MYRFL: variants seen among roughly 807,000 people sequenced by gnomAD.
MYRFL encodes myelin regulatory factor-like protein.
Under a neutral mutation model 109.4 loss-of-function variants are expected in MYRFL, and 88 were observed. That is an observed-to-expected ratio of 0.80 (90% CI 0.68 to 0.96). The LOEUF (loss-of-function observed/expected upper bound fraction) is 0.96, where lower values mean the gene tolerates loss of function less well. MYRFL is among the 40% of genes least tolerant of loss of function. The pLI is 0.00. For missense variants in MYRFL, 957 were observed against 954.9 expected, an observed-to-expected ratio of 1.00 and a Z score of -0.03; for synonymous variants, 324 against 320.9, an observed-to-expected ratio of 1.01 and a Z score of -0.10.
chr12:69,927,092 C>T (rs1490283996), intron 14 of MYRFL, among the ~76,000 whole-genome samples: 1 of 151,326 alleles, frequency 6.6e-6, no homozygotes, highest in Non-Finnish European at 1.5e-5. Context: ...TTACAGGTGC[C>T]CGCCACCATG....
chr12:69,958,104 A>G, intron 23 of MYRFL, 145 bp from the exon 24 acceptor site: 1 of 1,164,672 alleles, frequency 8.6e-7, no homozygotes, highest in Admixed American at 2.6e-5. Context: ...TTCTGTTGCT[A>G]GGACTGTTCT....
At chr12:69,874,710 T>C (rs1194172015) in intron 2 of MYRFL, among the ~76,000 whole-genome samples, 8 of 152,208 alleles carry the variant, frequency 5.3e-5, no homozygotes, top group Middle Eastern at 3.4e-3. Context: ...ACTATTTTCA[T>C]TGGATATCAA....
In MYRFL at chr12:69,825,517, C is replaced by T; in HGVS notation, c.-1C>T. ...GGAAATAGTACTAGGATCACAGTAC[C>T]ATGGATGTGGTAGGCGAAAATGAGG... On this transcript the variant is annotated 5_prime_UTR_variant, in exon 1 of 25. Transcript: ENST00000552032. The T allele has an allele frequency of 4.3e-6, 3 of 701,854 alleles. No homozygotes were observed. Among genetic ancestry groups the T allele is most frequent in the Non-Finnish European group, 7.8e-6 (3 of 384,256 alleles). 43.5% of individuals were successfully genotyped at this position (701,854 alleles called of 1,614,324 possible).
intron 1 of MYRFL, among the ~76,000 whole-genome samples, chr12:69,851,817 T>C (rs1225823306): frequency 6.6e-6 from 1 of 152,106 alleles, no homozygotes; most frequent in East Asian, 1.9e-4. Context: ...CACCACCATC[T>C]TGGCTCATCT....
At chr12:69,910,103 T>C (rs1463357961) in intron 12 of MYRFL, 26 bp downstream of exon 12, 3 of 1,420,152 alleles carry the variant, frequency 2.1e-6, no homozygotes, top group Non-Finnish European at 2.8e-6. Flanking sequence ...CCCCTTTTAA[T>C]TTTGTATTGC....
rs1219206636 is a variant in MYRFL at position 69,937,841 on chromosome 12, A to ACTT, written c.2224+1210_2224+1212dup. 2.0e-5 allele frequency among the ~76,000 whole-genome samples: 3 copies of ACTT among 152,316 alleles called. No homozygotes were observed. The East Asian group carries it at 5.8e-4, about 29-fold the overall frequency. ...TGCATATCCTAGTCTTGGTTAAATA[A>ACTT]CTTTTACAAATTGTCATCATCATCA... On this transcript the variant is annotated intron_variant, in intron 19 of 24. Coordinates refer to ENST00000552032, the MANE Select transcript of MYRFL (RefSeq NM_182530.3).
At chr12:69,946,754 A>G (rs1955849297) in intron 19 of MYRFL, 1 of 152,262 alleles carries the variant, frequency 6.6e-6, no homozygotes, top group Admixed American at 6.5e-5. Context: ...AGCTGATGAA[A>G]TGGAGGCACT....
intron 1 of MYRFL, among the ~76,000 whole-genome samples, chr12:69,848,122 T>G (rs370338121): frequency 2.0e-5 from 3 of 152,228 alleles, no homozygotes; most frequent in African/African-American, 7.2e-5. Context: ...CAAACTAAAT[T>G]CTCATAAGTA....
chr12:69,906,620 C>T (rs1032278769), intron 11 of MYRFL, among the ~76,000 whole-genome samples: 2 of 152,198 alleles, frequency 1.3e-5, no homozygotes, highest in Non-Finnish European at 2.9e-5. Context: ...TTTCTCCTAA[C>T]CACAATACCC....
At chr12:69,913,047 C>A (rs180908339) in intron 13 of MYRFL, among the ~76,000 whole-genome samples, 165 of 152,132 alleles carry the variant, frequency 1.1e-3, no homozygotes, top group African/African-American at 3.7e-3. Context: ...ATTTACATTT[C>A]CTTAATGATT....
chr12:69,911,190 G>T (rs1954555594), intron 13 of MYRFL, among the ~76,000 whole-genome samples: 1 of 152,188 alleles, frequency 6.6e-6, no homozygotes, highest in South Asian at 2.1e-4. Flanking sequence ...GATCTTAACT[G>T]GCACTAGGAA....
At chr12:69,935,800 C>T (rs904211696) in intron 16 of MYRFL, among the ~76,000 whole-genome samples, 2 of 152,194 alleles carry the variant, frequency 1.3e-5, no homozygotes, top group African/African-American at 4.8e-5. Context: ...TTACATGCTT[C>T]CTCTTGTAAT....
chr12:69,907,015 C>T (rs1276170473), intron 11 of MYRFL, among the ~76,000 whole-genome samples: 1 of 152,218 alleles, frequency 6.6e-6, no homozygotes, highest in African/African-American at 2.4e-5. Flanking sequence ...TCTTACTCAA[C>T]AGGCATTGAA....
At chr12:69,949,337 A>T (rs946673546) in intron 19 of MYRFL, among the ~76,000 whole-genome samples, 1 of 152,208 alleles carries the variant, frequency 6.6e-6, no homozygotes, top group Non-Finnish European at 1.5e-5. Flanking sequence ...TATCTACTTT[A>T]AAAAGATACA....
At chr12:69,880,957 T>TTTTTTTG (rs1886059177) in intron 5 of MYRFL, among the ~76,000 whole-genome samples, 21 of 147,086 alleles carry the variant, frequency 1.4e-4, no homozygotes, top group Non-Finnish European at 3.0e-5. Flanking sequence ...TCCTGTTTTT[T>TTTTTTTG]TTTTTTTTTT....
intron 7 of MYRFL, among the ~76,000 whole-genome samples, chr12:69,891,693 C>CTTTCTTTCTTTCTTTCTTTT (rs1566002958): frequency 2.0e-5 from 2 of 98,428 alleles, no homozygotes; most frequent in African/African-American, 1.0e-4. Context: ...TTCGTTCGTT[C>CTTTCTTTCTTTCTTTCTTTT]GTTCTTTCTT....
chr12:69,903,580 C>A, intron 10 of MYRFL, 64 bp from the exon 11 acceptor site: 2 of 1,480,126 alleles, frequency 1.4e-6, no homozygotes, highest in East Asian at 2.5e-5. Flanking sequence ...GCTCTGAACA[C>A]TAATGTGATC....
intron 1 of MYRFL, among the ~76,000 whole-genome samples, chr12:69,827,825 A>G (rs1270288005): frequency 6.6e-6 from 1 of 152,112 alleles, no homozygotes; most frequent in Non-Finnish European, 1.5e-5. Context: ...ATAACTTTCT[A>G]TAGCAAAGTT....
chr12:69,886,978 G>C lies in MYRFL; in HGVS notation c.707+8G>C. ...CAGTCATTATGAAAAACTGTAAGTG[G>C]CTTGAGTGGGCTGGAGAGTGAGGGG... On this transcript the variant is annotated splice_region_variant and intron_variant, in intron 6 of 24. Transcript: ENST00000552032. 1 of 1,535,630 alleles carries C rather than the reference G, an allele frequency of 6.5e-7. No homozygotes were observed. Among genetic ancestry groups the C allele is most frequent in the Non-Finnish European group, 8.7e-7 (1 of 1,146,574 alleles).
Sources: allele counts gnomAD v4.1 joint callset (sites outside exome capture counted in the v4.1 genomes callset), GRCh38; gene constraint gnomAD v4.1.1; transcripts MANE v1.5; gene names NCBI Gene and HGNC (gene_info 2026-07-23, HGNC 2026-07-21).